The following BICC1 variants were observed in gnomAD, a reference collection of about 807,000 sequenced individuals.
BICC1 encodes protein bicaudal C homolog 1.
BICC1 carries 43 observed loss-of-function variants against 111.0 expected under a neutral mutation model. That is an observed-to-expected ratio of 0.39 (90% CI 0.30 to 0.50). BICC1 has a LOEUF of 0.50. Among genes scored for constraint, BICC1 ranks in the 20% least tolerant of loss-of-function variants. The pLI, the probability that BICC1 is intolerant of heterozygous loss-of-function variation, is 0.88. For missense variants in BICC1, 1,091 were observed against 1,203.2 expected, an observed-to-expected ratio of 0.91 and a Z score of 1.38; for synonymous variants, 467 against 434.4, an observed-to-expected ratio of 1.07 and a Z score of -0.93.
intron 1 of BICC1, among the ~76,000 whole-genome samples, chr10:58,604,672 A>G (rs1181165128): frequency 6.6e-6 from 1 of 152,182 alleles, no homozygotes. Flanking sequence ...AATAAAATTA[A>G]GCAAAGCATA....
At chr10:58,740,807 T>C (rs1841636832) in intron 3 of BICC1, among the ~76,000 whole-genome samples, 1 of 152,008 alleles carries the variant, frequency 6.6e-6, no homozygotes, top group Non-Finnish European at 1.5e-5. Flanking sequence ...GTTCGCCAGA[T>C]GGAGAAAGGG....
intron 2 of BICC1, among the ~76,000 whole-genome samples, chr10:58,630,635 C>T (rs1837764975): frequency 6.6e-6 from 1 of 152,126 alleles, no homozygotes; most frequent in South Asian, 2.1e-4. Context: ...TCTTCCCCTT[C>T]TCCTGATGTA....
At chr10:58,748,725 A>G (rs1452468458) in intron 3 of BICC1, among the ~76,000 whole-genome samples, 1 of 151,960 alleles carries the variant, frequency 6.6e-6, no homozygotes, top group African/African-American at 2.4e-5. Flanking sequence ...TATTTCTCAA[A>G]CTCGAATGTT....
chr10:58,768,347 T>C (rs1842516338), intron 3 of BICC1, among the ~76,000 whole-genome samples: 2 of 152,174 alleles, frequency 1.3e-5, no homozygotes, highest in South Asian at 2.1e-4. Context: ...AATGGTACTT[T>C]ACTCAGCAAA....
chr10:58,732,843 C>T (rs1029570917), intron 3 of BICC1, among the ~76,000 whole-genome samples: 1 of 151,928 alleles, frequency 6.6e-6, no homozygotes, highest in African/African-American at 2.4e-5. Context: ...AAACAATTTA[C>T]AATAGTAACA....
intron 14 of BICC1, among the ~76,000 whole-genome samples, chr10:58,802,275 G>A (rs1843571373): frequency 6.6e-6 from 1 of 152,160 alleles, no homozygotes; most frequent in Non-Finnish European, 1.5e-5. Context: ...CTTTTGTCAA[G>A]CAAAGTTCAT....
chr10:58,737,022 CTA>C (rs965173075), intron 3 of BICC1, among the ~76,000 whole-genome samples: 10 of 151,936 alleles, frequency 6.6e-5, no homozygotes, highest in Non-Finnish European at 1.5e-4. Context: ...AAATGAAATA[CTA>C]TATATGTCAA....
At chr10:58,795,859 G>C (rs757040144) in intron 9 of BICC1, among the ~76,000 whole-genome samples, 2 of 152,184 alleles carry the variant, frequency 1.3e-5, no homozygotes, top group Non-Finnish European at 2.9e-5. Flanking sequence ...CATAAGTGAT[G>C]ATGATGATGC....
chr10:58,609,447 A>G (rs1202016651), intron 1 of BICC1, among the ~76,000 whole-genome samples: 1 of 152,230 alleles, frequency 6.6e-6, no homozygotes, highest in African/African-American at 2.4e-5. Flanking sequence ...ATTATTCCCT[A>G]TAGCGGTGCT....
intron 1 of BICC1, among the ~76,000 whole-genome samples, chr10:58,569,886 C>T (rs1658430): frequency 0.99 from 151,351 of 152,286 alleles, 75,214 homozygotes; most frequent in East Asian, 1. Context: ...GAATGATTTA[C>T]AATCCTTTGA....
intron 1 of BICC1, among the ~76,000 whole-genome samples, chr10:58,569,333 C>T (rs1589106886): frequency 6.6e-6 from 1 of 152,238 alleles, no homozygotes; most frequent in East Asian, 1.9e-4. Flanking sequence ...TTGCAGTTCA[C>T]CTCATCACAA....
chr10:58,810,809 A>C lies in BICC1; in HGVS notation c.2377-3021A>C, dbSNP rs965869218. ...AGCTAAAAACACCTTCCTTTTTCTTACTTTTTCATTTTTCAAAAGAAAAAT... is the reference window on the plus strand; with the variant it reads ...AGCTAAAAACACCTTCCTTTTTCTTCCTTTTTCATTTTTCAAAAGAAAAAT... On this transcript the variant is annotated intron_variant, in intron 17 of 20. Coordinates refer to ENST00000373886, the MANE Select transcript of BICC1 (RefSeq NM_001080512.3). 9.9e-5 allele frequency among the ~76,000 whole-genome samples: 15 copies of C among 152,222 alleles called. No individual in the cohort carries two copies. In the South Asian group the frequency reaches 1.7e-3, roughly 17 times the overall value.
At chr10:58,669,716 C>A (rs960624078) in intron 2 of BICC1, among the ~76,000 whole-genome samples, 4 of 152,044 alleles carry the variant, frequency 2.6e-5, no homozygotes, top group African/African-American at 9.7e-5. Context: ...AAAACAGAAT[C>A]CCTTAAAACG....
At chr10:58,534,955 A>T (rs1842788404) in intron 1 of BICC1, among the ~76,000 whole-genome samples, 1 of 151,712 alleles carries the variant, frequency 6.6e-6, no homozygotes, top group South Asian at 2.1e-4. Flanking sequence ...AATGCAGTGG[A>T]AAGTGTTAAT....
In BICC1 at chr10:58,615,535, C is replaced by T. The variant is rs183639771; in HGVS notation, c.191-5320C>T. Among the ~76,000 whole-genome samples the T allele has an allele frequency of 2.4e-4, 37 of 152,286 alleles. No homozygotes were observed. In the East Asian group the frequency reaches 5.6e-3, roughly 23 times the overall value. On this transcript the variant is annotated intron_variant, in intron 1 of 20. Transcript: ENST00000373886. Reference sequence around the variant, plus strand: ...ATAATTACCCTGCTGACACTACATGCAGCTTGTGCCCCAGTCGGCTTGTTC... The same window carrying T: ...ATAATTACCCTGCTGACACTACATGTAGCTTGTGCCCCAGTCGGCTTGTTC...
At chr10:58,573,569 G>A (rs1420022219) in intron 1 of BICC1, among the ~76,000 whole-genome samples, 2 of 152,098 alleles carry the variant, frequency 1.3e-5, no homozygotes, top group African/African-American at 4.8e-5. Context: ...AAGGGCTGTA[G>A]GGTTTCTCTT....
At chr10:58,638,344 A>G (rs1465923323) in intron 2 of BICC1, among the ~76,000 whole-genome samples, 2 of 152,178 alleles carry the variant, frequency 1.3e-5, no homozygotes, top group Non-Finnish European at 2.9e-5. Context: ...TGAAAAAAAC[A>G]GCTTAAAAAT....
intron 3 of BICC1, among the ~76,000 whole-genome samples, chr10:58,728,646 G>C (rs1269253688): frequency 6.6e-6 from 1 of 151,924 alleles, no homozygotes; most frequent in Non-Finnish European, 1.5e-5. Context: ...AATTTACTTT[G>C]CCGCAATCCA....
At chr10:58,786,704 A>G (rs919361007) in intron 4 of BICC1, among the ~76,000 whole-genome samples, 2 of 152,192 alleles carry the variant, frequency 1.3e-5, no homozygotes, top group Non-Finnish European at 1.5e-5. Context: ...AAATTTTTCT[A>G]TTTCTTCTGA....
Sources: allele counts gnomAD v4.1 joint callset (sites outside exome capture counted in the v4.1 genomes callset), GRCh38; gene constraint gnomAD v4.1.1; transcripts MANE v1.5; gene names NCBI Gene and HGNC (gene_info 2026-07-23, HGNC 2026-07-21).